HOOK1: variants seen among roughly 807,000 people sequenced by gnomAD.
HOOK1 encodes protein Hook homolog 1.
Under a neutral mutation model 112.8 loss-of-function variants are expected in HOOK1, and 60 were observed. The ratio of observed to expected loss-of-function variants is 0.53; its 90% CI spans 0.43 to 0.66. The LOEUF (loss-of-function observed/expected upper bound fraction) is 0.66, where lower values mean the gene tolerates loss of function less well. Ranked by LOEUF, HOOK1 falls within the 30% of genes least tolerant of loss-of-function variation. The pLI is 0.00. For missense variants in HOOK1, 770 were observed against 856.0 expected (o/e 0.90, Z 1.25); for synonymous variants, 294 against 283.8 (o/e 1.04, Z -0.36).
chr1:59,851,485 A>G (rs1029105727), intron 12 of HOOK1, among the ~76,000 whole-genome samples: 6 of 151,606 alleles, frequency 4.0e-5, no homozygotes, highest in African/African-American at 1.4e-4. Context: ...ATATGTAGAA[A>G]TTTGATGGAG....
chr1:59,839,280 A>G (rs995114189), intron 7 of HOOK1, among the ~76,000 whole-genome samples: 10 of 152,142 alleles, frequency 6.6e-5, no homozygotes, highest in African/African-American at 2.4e-4. Context: ...TCTATAAATT[A>G]CCTTGGGCAG....
chr1:59,842,939 G>A (rs1219836447), intron 8 of HOOK1, among the ~76,000 whole-genome samples: 1 of 151,902 alleles, frequency 6.6e-6, no homozygotes, highest in Non-Finnish European at 1.5e-5. Context: ...TTAGCTTTTT[G>A]TTATTGAATC....
At chr1:59,869,200 T>C (rs953889087) in intron 20 of HOOK1, among the ~76,000 whole-genome samples, 18 of 152,122 alleles carry the variant, frequency 1.2e-4, no homozygotes, top group African/African-American at 4.3e-4. Flanking sequence ...TTCTTTTTTT[T>C]TTTTCTTTTG....
rs888489010 is a variant in HOOK1 at position 59,868,401 on chromosome 1, T to A, written c.1947+50T>A. ...TTTTAGTTATTTTGTAGAATCCTGG[T>A]AATTAACTGCTGTCATATATTTGTC... On this transcript the variant is annotated intron_variant, in intron 20 of 21. Transcript: ENST00000371208. 3.0e-6 allele frequency: 3 copies of A among 1,016,058 alleles called. No homozygotes were observed. The African/African-American group carries it at 4.8e-5, about 16-fold the overall frequency. The allele number at this position is 1,016,058 out of a possible 1,614,324, so 62.9% of individuals were successfully genotyped here.
At chr1:59,828,238 T>A (rs1199707468) in intron 2 of HOOK1, among the ~76,000 whole-genome samples, 1 of 152,218 alleles carries the variant, frequency 6.6e-6, no homozygotes, top group Admixed American at 6.5e-5. Context: ...TATGGGACTT[T>A]GCTTTTCATT....
At chr1:59,851,509 T>C (rs2098407138) in intron 12 of HOOK1, among the ~76,000 whole-genome samples, 1 of 151,708 alleles carries the variant, frequency 6.6e-6, no homozygotes, top group Non-Finnish European at 1.5e-5. Flanking sequence ...TGTGCATTGA[T>C]CATGAATCTT....
chr1:59,839,781 A>T (rs2098400005), intron 7 of HOOK1, among the ~76,000 whole-genome samples: 1 of 152,112 alleles, frequency 6.6e-6, no homozygotes, highest in African/African-American at 2.4e-5. Context: ...TTTCAAAGGG[A>T]ATGCTTCCAG....
chr1:59,825,286 G>A (rs912701606), intron 2 of HOOK1, among the ~76,000 whole-genome samples: 6 of 152,148 alleles, frequency 3.9e-5, no homozygotes, highest in African/African-American at 9.7e-5. Context: ...TAAATAGTGC[G>A]TGCCATATCT....
intron 20 of HOOK1, chr1:59,870,733 G>A (rs910983766): frequency 3.6e-5 from 7 of 194,826 alleles, no homozygotes; most frequent in Admixed American, 6.0e-5. Context: ...TAAGCCACTC[G>A]TTACTTTTTT....
At chr1:59,815,636 A>G (rs754813338) in intron 1 of HOOK1, among the ~76,000 whole-genome samples, 28 of 151,622 alleles carry the variant, frequency 1.8e-4, no homozygotes, top group African/African-American at 6.1e-4. Flanking sequence ...ACCTTGCTCT[A>G]CCTGGACACA....
At position 59,873,158 on chromosome 1, in the gene HOOK1, C is replaced by G. The variant is rs1644084953; in HGVS notation, c.*193C>G. 2.9e-5 allele frequency: 12 copies of G among 407,292 alleles called. 1 individual carries two copies. In the South Asian group the frequency reaches 5.5e-4, roughly 19 times the overall value. The allele number at this position is 407,292 out of a possible 1,614,324, so 25.2% of individuals were successfully genotyped here. The stretch of plus-strand genomic sequence containing the variant: ...AAACAAATTATAGAATTAGCCATCT[C>G]TCTGAGGGAGCACATTTGAATAATT... On this transcript the variant is annotated 3_prime_UTR_variant, in exon 22 of 22. Coordinates refer to ENST00000371208, the MANE Select transcript of HOOK1 (RefSeq NM_015888.6).
chr1:59,867,184 A>C (rs967348382), intron 19 of HOOK1, among the ~76,000 whole-genome samples: 8 of 152,246 alleles, frequency 5.3e-5, no homozygotes, highest in Non-Finnish European at 8.8e-5. Flanking sequence ...AAGTAATAAC[A>C]TGTCCTTGTA....
rs1014488825 is a variant in HOOK1, at chr1:59,864,525, A to C, written c.1627-107A>C. ...AAATACAAATTTTAAAAATATTTAT[A>C]ATTTTGCCTGGTACACCTTCAAAAG... On this transcript the variant is annotated intron_variant, in intron 16 of 21. Transcript: ENST00000371208. 1.0e-5 allele frequency: 7 copies of C among 678,308 alleles called. No homozygotes were observed. The Admixed American group carries it at 1.4e-4, about 14-fold the overall frequency. The allele number at this position is 678,308 out of a possible 1,614,324, so 42.0% of individuals were successfully genotyped here.
chr1:59,850,897 C>A (rs2098406822), intron 12 of HOOK1, among the ~76,000 whole-genome samples: 1 of 151,410 alleles, frequency 6.6e-6, no homozygotes, highest in Admixed American at 6.6e-5. Flanking sequence ...ATTTTCTGCT[C>A]AATTTTTCTA....
At position 59,858,975 on chromosome 1, in the gene HOOK1, T is replaced by C; in HGVS notation, c.1331-10T>C. The C allele has an allele frequency of 1.3e-6, 2 of 1,518,156 alleles. No individual in the cohort carries two copies. The highest frequency in any genetic ancestry group is 1.8e-6 in the Non-Finnish European group (2 of 1,095,936). The allele number at this position is 1,518,156 out of a possible 1,614,324, so 94.0% of individuals were successfully genotyped here. A position where few individuals can be genotyped will look rare whatever the true frequency, so the allele number is the denominator to read the frequency against. ...ACTGAAATGCTAATTTATTTTTTGT[T>C]ATTTTTTAGATGCATCTGCTACAAA... is the stretch of plus-strand genomic sequence containing the variant. On this transcript the variant is annotated splice_polypyrimidine_tract_variant and intron_variant, in intron 13 of 21. Coordinates refer to ENST00000371208, the MANE Select transcript of HOOK1 (RefSeq NM_015888.6).
At chr1:59,816,405 A>G (rs1344517798) in intron 1 of HOOK1, among the ~76,000 whole-genome samples, 1 of 152,200 alleles carries the variant, frequency 6.6e-6, no homozygotes, top group Non-Finnish European at 1.5e-5. Context: ...TGTATTTAAG[A>G]CTGTCGTAGA....
intron 2 of HOOK1, among the ~76,000 whole-genome samples, chr1:59,827,706 G>A (rs1445609957): frequency 6.6e-6 from 1 of 151,732 alleles, no homozygotes; most frequent in Non-Finnish European, 1.5e-5. Context: ...CCAAATAAAT[G>A]AATTGAAAGT....
At chr1:59,822,497 T>C (rs1308794672) in intron 2 of HOOK1, among the ~76,000 whole-genome samples, 2 of 152,208 alleles carry the variant, frequency 1.3e-5, no homozygotes, top group Non-Finnish European at 2.9e-5. Context: ...AAAGTGGTTG[T>C]GTTTAGGCTG....
In HOOK1 at chr1:59,815,002, G is replaced by A. The variant is rs1452038876; in HGVS notation, c.-116G>A. 1.9e-6 allele frequency: 2 copies of A among 1,059,520 alleles called. No homozygotes were observed. Among genetic ancestry groups the A allele is most frequent in the Non-Finnish European group, 2.8e-6 (2 of 723,584 alleles). The allele number at this position is 1,059,520 out of a possible 1,614,324, so 65.6% of individuals were successfully genotyped here. The stretch of plus-strand genomic sequence containing the variant: ...GGTTCGCGCGTGAGCTGCGCGGGTC[G>A]GGCCTGGTACCGAGCTTTCCTGGGG... On this transcript the variant is annotated 5_prime_UTR_variant, in exon 1 of 22. Transcript: ENST00000371208.
Sources: allele counts gnomAD v4.1 joint callset (sites outside exome capture counted in the v4.1 genomes callset), GRCh38; gene constraint gnomAD v4.1.1; transcripts MANE v1.5; gene names NCBI Gene and HGNC (gene_info 2026-07-23, HGNC 2026-07-21).